Variants in GRID2 observed in about 807,000 individuals in gnomAD.
GRID2 encodes the protein glutamate receptor ionotropic, delta-2.
In GRID2, 33 loss-of-function variants were observed where a neutral mutation model predicts 114.8. The observed-to-expected ratio is 0.29, with a 90% CI of 0.22 to 0.38. GRID2 has a LOEUF of 0.38. GRID2 is among the 10% of genes least tolerant of loss of function. The pLI is 1.00. For synonymous variants in GRID2, 505 were observed against 449.9 expected (o/e 1.12, Z -1.55); for missense variants, 1,184 against 1,257.7 (o/e 0.94, Z 0.89).
rs56713587 is a variant in GRID2 at position 92,903,922 on chromosome 4, G to C, written c.245-181073G>C. 6.3e-4 allele frequency among the ~76,000 whole-genome samples: 96 copies of C among 152,024 alleles called. 1 individual carries two copies. The East Asian group carries it at 0.017, about 28-fold the overall frequency. On this transcript the variant is annotated intron_variant, in intron 2 of 15. Coordinates refer to ENST00000282020, the MANE Select transcript of GRID2 (RefSeq NM_001510.4). ...GGGTGTTGGAGAGAGATCTATCATA[G>C]AGGGAAGTATCTATGCTTATGACCG...
At chr4:93,026,015 G>C (rs1390671095) in intron 2 of GRID2, among the ~76,000 whole-genome samples, 1 of 151,664 alleles carries the variant, frequency 6.6e-6, no homozygotes, top group Non-Finnish European at 1.5e-5. Context: ...AGAACAAAAA[G>C]TAGGGAAAGT....
intron 4 of GRID2, among the ~76,000 whole-genome samples, chr4:93,200,959 A>G (rs997374733): frequency 2.0e-5 from 3 of 152,180 alleles, no homozygotes; most frequent in African/African-American, 7.2e-5. Context: ...ACAGTTTACC[A>G]TATACCATTA....
chr4:93,748,017 G>A (rs1731998450), intron 14 of GRID2, among the ~76,000 whole-genome samples: 1 of 151,900 alleles, frequency 6.6e-6, no homozygotes. Context: ...AATGCCCTTG[G>A]ATATATAACA....
intron 1 of GRID2, among the ~76,000 whole-genome samples, chr4:92,540,268 A>G (rs984756074): frequency 1.3e-5 from 2 of 152,198 alleles, no homozygotes; most frequent in Non-Finnish European, 2.9e-5. Context: ...ACCAAAAGCA[A>G]CGGCAACAAA....
chr4:93,006,137 A>G (rs1426773510), intron 2 of GRID2, among the ~76,000 whole-genome samples: 4 of 152,098 alleles, frequency 2.6e-5, no homozygotes, highest in African/African-American at 4.8e-5. Flanking sequence ...TCTAAAAACC[A>G]TGTAGATTAT....
At chr4:92,414,404 A>G (rs913966156) in intron 1 of GRID2, among the ~76,000 whole-genome samples, 1 of 152,230 alleles carries the variant, frequency 6.6e-6, no homozygotes, top group Admixed American at 6.5e-5. Flanking sequence ...CAAGGAGAAT[A>G]CATGGTGATA....
chr4:93,672,839 A>G (rs558093231), intron 14 of GRID2, among the ~76,000 whole-genome samples: 12 of 152,346 alleles, frequency 7.9e-5, no homozygotes, highest in African/African-American at 2.6e-4. Flanking sequence ...TGGAAAATAA[A>G]AACATTATAA....
chr4:92,806,601 A>T (rs1001707834), intron 2 of GRID2, among the ~76,000 whole-genome samples: 4 of 151,872 alleles, frequency 2.6e-5, no homozygotes, highest in Non-Finnish European at 4.4e-5. Flanking sequence ...ATTAGGACCT[A>T]AGATATATAA....
chr4:93,451,382 A>AT (rs1722666773), intron 10 of GRID2, among the ~76,000 whole-genome samples: 1 of 152,074 alleles, frequency 6.6e-6, no homozygotes, highest in Admixed American at 6.6e-5. Flanking sequence ...TATAGATATA[A>AT]ATGAGTGTTT....
At chr4:93,570,507 A>T (rs1467461608) in intron 13 of GRID2, among the ~76,000 whole-genome samples, 1 of 152,184 alleles carries the variant, frequency 6.6e-6, no homozygotes, top group African/African-American at 2.4e-5. Context: ...AGAGGATAGC[A>T]ATCATTTATT....
At chr4:93,506,152 C>T (rs1375791825) in intron 12 of GRID2, among the ~76,000 whole-genome samples, 1 of 152,182 alleles carries the variant, frequency 6.6e-6, no homozygotes, top group Non-Finnish European at 1.5e-5. Flanking sequence ...ATGACATCTA[C>T]CCTTCCCAAG....
At position 93,407,586 on chromosome 4, in the gene GRID2, G is replaced by C. The variant is rs192792723; in HGVS notation, c.1347+11878G>C. Among the ~76,000 whole-genome samples the C allele has an allele frequency of 1.8e-4, 28 of 152,152 alleles. 1 individual carries two copies. In the South Asian group the frequency reaches 5.8e-3, roughly 32 times the overall value. ...GCTTGAAACTGAATATGTGATCCTT[G>C]CATCATGTTTAAAATTGTTCAGCAA... is the stretch of plus-strand genomic sequence containing the variant. On this transcript the variant is annotated intron_variant, in intron 9 of 15. Coordinates refer to ENST00000282020, the MANE Select transcript of GRID2 (RefSeq NM_001510.4).
At chr4:93,096,339 T>G (rs1731223958) in intron 3 of GRID2, among the ~76,000 whole-genome samples, 1 of 152,016 alleles carries the variant, frequency 6.6e-6, no homozygotes, top group Non-Finnish European at 1.5e-5. Flanking sequence ...AAAAGAACAT[T>G]TTGGACTTTC....
At chr4:93,142,231 C>A (rs1735839568) in intron 4 of GRID2, among the ~76,000 whole-genome samples, 1 of 152,046 alleles carries the variant, frequency 6.6e-6, no homozygotes, top group Admixed American at 6.6e-5. Flanking sequence ...AAACAAAAAA[C>A]CTACTTCTCT....
chr4:93,346,892 G>C (rs766715015), intron 8 of GRID2, among the ~76,000 whole-genome samples: 6 of 152,124 alleles, frequency 3.9e-5, no homozygotes, highest in Non-Finnish European at 8.8e-5. Flanking sequence ...ATAAATAGGA[G>C]TCCTGCTAAG....
intron 1 of GRID2, among the ~76,000 whole-genome samples, chr4:93,783,230 G>A (rs1022992165): frequency 5.3e-5 from 8 of 152,196 alleles, no homozygotes; most frequent in East Asian, 1.9e-4. Context: ...CCTGAGTCTC[G>A]TAATAACCCT....
At chr4:93,270,215 T>TACATACAC (rs1333124507) in intron 8 of GRID2, among the ~76,000 whole-genome samples, 3 of 137,088 alleles carry the variant, frequency 2.2e-5, no homozygotes, top group African/African-American at 7.7e-5. Flanking sequence ...CACACACACA[T>TACATACAC]ACACACACAC....
At chr4:92,630,636 A>T (rs1300430130) in intron 2 of GRID2, among the ~76,000 whole-genome samples, 1 of 152,238 alleles carries the variant, frequency 6.6e-6, no homozygotes, top group East Asian at 1.9e-4. Flanking sequence ...AATCCTAAAC[A>T]TCTTTAGAGC....
At chr4:93,064,149 T>C (rs1024252651) in intron 2 of GRID2, among the ~76,000 whole-genome samples, 1 of 149,982 alleles carries the variant, frequency 6.7e-6, no homozygotes, top group Non-Finnish European at 1.5e-5. Context: ...AATAACATAA[T>C]ATTAAGTTGG....
Sources: gnomAD v4.1 joint callset for allele counts (sites outside exome capture counted in the v4.1 genomes callset) on GRCh38, gnomAD v4.1.1 for gene constraint, MANE v1.5 for transcripts, NCBI Gene and HGNC (gene_info 2026-07-23, HGNC 2026-07-21) for gene names.